Variants in RNGTT observed in about 807,000 individuals in gnomAD.
The protein encoded by RNGTT is mRNA-capping enzyme.
A neutral mutation model predicts 79.3 loss-of-function variants in RNGTT; 33 were observed. That is an observed-to-expected ratio of 0.42 (90% CI 0.32 to 0.56). RNGTT has a LOEUF of 0.56. RNGTT is among the 20% of genes least tolerant of loss of function. The pLI is 0.17. For synonymous variants in RNGTT, 222 were observed against 235.9 expected, an observed-to-expected ratio of 0.94 and a Z score of 0.54; for missense variants, 497 against 739.1, an observed-to-expected ratio of 0.67 and a Z score of 3.80.
At chr6:88,724,870 T>G (rs1298255077) in intron 13 of RNGTT, among the ~76,000 whole-genome samples, 1 of 152,146 alleles carries the variant, frequency 6.6e-6, no homozygotes, top group Non-Finnish European at 1.5e-5. Flanking sequence ...TCACTCTTTT[T>G]AAATTAGCCA....
chr6:88,818,917 T>G (rs1484976130), intron 11 of RNGTT, among the ~76,000 whole-genome samples: 1 of 152,178 alleles, frequency 6.6e-6, no homozygotes, highest in Non-Finnish European at 1.5e-5. Flanking sequence ...TATGTCATAA[T>G]AAATAAAAAG....
At chr6:88,791,951 G>A (rs1318551497) in intron 12 of RNGTT, among the ~76,000 whole-genome samples, 1 of 151,906 alleles carries the variant, frequency 6.6e-6, no homozygotes, top group African/African-American at 2.4e-5. Context: ...ATAACAAATG[G>A]TACACCATTG....
intron 14 of RNGTT, among the ~76,000 whole-genome samples, chr6:88,627,185 T>C (rs991865271): frequency 6.6e-6 from 1 of 152,146 alleles, no homozygotes; most frequent in African/African-American, 2.4e-5. Context: ...TCATAAAGTA[T>C]ATTTTTCACA....
chr6:88,892,544 T>C (rs1212700922), intron 6 of RNGTT, among the ~76,000 whole-genome samples: 1 of 152,100 alleles, frequency 6.6e-6, no homozygotes, highest in African/African-American at 2.4e-5. Flanking sequence ...GAATTTTTAA[T>C]CTAAATTTTT....
At chr6:88,671,978 C>T (rs1774659300) in intron 14 of RNGTT, among the ~76,000 whole-genome samples, 1 of 152,032 alleles carries the variant, frequency 6.6e-6, no homozygotes, top group African/African-American at 2.4e-5. Flanking sequence ...AGATTAAAGA[C>T]TTAAATTTAA....
intron 13 of RNGTT, among the ~76,000 whole-genome samples, chr6:88,753,886 G>A (rs1777921531): frequency 6.6e-6 from 1 of 151,974 alleles, no homozygotes; most frequent in African/African-American, 2.4e-5. Context: ...AGAAAGTACG[G>A]GTTAAAAAGG....
chr6:88,937,083 C>T (rs1784688518), intron 2 of RNGTT, among the ~76,000 whole-genome samples: 1 of 152,146 alleles, frequency 6.6e-6, no homozygotes, highest in African/African-American at 2.4e-5. Context: ...TGGCTCACGC[C>T]TGTAATCCCA....
chr6:88,809,970 C>T (rs1266373818), intron 11 of RNGTT, among the ~76,000 whole-genome samples: 1 of 152,012 alleles, frequency 6.6e-6, no homozygotes, highest in Non-Finnish European at 1.5e-5. Context: ...ATCATTTGAG[C>T]CCCAGAGGTT....
intron 6 of RNGTT, 36 bp downstream of exon 6, chr6:88,904,679 A>G (rs2127942493): frequency 1.4e-6 from 2 of 1,459,568 alleles, no homozygotes; most frequent in African/African-American, 1.4e-5. Context: ...CAGAAAAAGG[A>G]AAAAAAAAAC....
At chr6:88,882,101 T>G (rs1782710490) in intron 8 of RNGTT, among the ~76,000 whole-genome samples, 1 of 152,224 alleles carries the variant, frequency 6.6e-6, no homozygotes. Context: ...GTCTCCCAAA[T>G]CTGTACTTTC....
intron 6 of RNGTT, among the ~76,000 whole-genome samples, chr6:88,899,878 A>G (rs1562309920): frequency 2.0e-5 from 3 of 152,308 alleles, no homozygotes; most frequent in African/African-American, 4.8e-5. Context: ...AAGGAGTCCA[A>G]TTTAATTCCC....
intron 14 of RNGTT, among the ~76,000 whole-genome samples, chr6:88,657,373 T>A (rs924867460): frequency 6.6e-6 from 1 of 152,086 alleles, no homozygotes; most frequent in African/African-American, 2.4e-5. Flanking sequence ...TAGGCACTCC[T>A]GGTCTCCAGC....
intron 12 of RNGTT, among the ~76,000 whole-genome samples, chr6:88,782,569 A>C (rs985763685): frequency 1.3e-5 from 2 of 152,160 alleles, no homozygotes; most frequent in Non-Finnish European, 2.9e-5. Flanking sequence ...TCAAACTAAA[A>C]ACCTTCTGCA....
chr6:88,938,504 A>C (rs1307733431), intron 2 of RNGTT, among the ~76,000 whole-genome samples: 1 of 152,206 alleles, frequency 6.6e-6, no homozygotes, highest in Non-Finnish European at 1.5e-5. Context: ...CATCTTTTAA[A>C]TGGAAAGTGT....
intron 2 of RNGTT, among the ~76,000 whole-genome samples, chr6:88,930,083 T>C (rs1388023435): frequency 7.0e-6 from 1 of 143,662 alleles, no homozygotes; most frequent in Non-Finnish European, 1.5e-5. Context: ...TACATATACA[T>C]ATATACATAT....
At chr6:88,657,597 G>A (rs919014312) in intron 14 of RNGTT, among the ~76,000 whole-genome samples, 1 of 152,208 alleles carries the variant, frequency 6.6e-6, no homozygotes, top group Admixed American at 6.5e-5. Context: ...TGATGGTGCA[G>A]GCAGGTGGGA....
intron 1 of RNGTT, among the ~76,000 whole-genome samples, chr6:88,958,992 G>A (rs1028792199): frequency 1.3e-5 from 2 of 152,150 alleles, no homozygotes; most frequent in African/African-American, 4.8e-5. Context: ...TAAAGAAAAT[G>A]TGATATGTAT....
chr6:88,797,253 G>A (rs1353750346), intron 12 of RNGTT, among the ~76,000 whole-genome samples: 2 of 152,074 alleles, frequency 1.3e-5, no homozygotes, highest in Non-Finnish European at 2.9e-5. Flanking sequence ...TTGGGGCTAA[G>A]TCAGAGCCAT....
intron 4 of RNGTT, among the ~76,000 whole-genome samples, chr6:88,925,060 G>A (rs1253526284): frequency 6.6e-6 from 1 of 151,388 alleles, no homozygotes; most frequent in African/African-American, 2.4e-5. Flanking sequence ...TCTCTTTTAT[G>A]TGGCCAACTA....
Sources: gnomAD v4.1 joint callset for allele counts (sites outside exome capture counted in the v4.1 genomes callset) on GRCh38, gnomAD v4.1.1 for gene constraint, MANE v1.5 for transcripts, NCBI Gene and HGNC (gene_info 2026-07-23, HGNC 2026-07-21) for gene names.